The following INPP5D variants were observed in gnomAD, a reference collection of about 807,000 sequenced individuals.
INPP5D encodes inositol polyphosphate-5-phosphatase D.
Under a neutral mutation model 122.9 loss-of-function variants are expected in INPP5D, and 33 were observed. That is an observed-to-expected ratio of 0.27 (90% CI 0.20 to 0.36). INPP5D has a LOEUF of 0.36. INPP5D is among the 10% of genes least tolerant of loss of function. The probability of loss-of-function intolerance (pLI) is 1.00; values close to 1 mark genes in which losing one functional copy is unlikely to be tolerated. For synonymous variants in INPP5D, 584 were observed against 576.2 expected, an observed-to-expected ratio of 1.01 and a Z score of -0.19; for missense variants, 1,053 against 1,412.7, an observed-to-expected ratio of 0.75 and a Z score of 4.08.
intron 1 of INPP5D, among the ~76,000 whole-genome samples, 190 bp downstream of exon 1, chr2:233,060,802 G>A (rs1249332097): frequency 3.3e-5 from 5 of 152,200 alleles, no homozygotes; most frequent in African/African-American, 4.8e-5. Flanking sequence ...TGCAGCCTTG[G>A]AGCTGTCAGA....
At chr2:233,086,328 G>T (rs1330835606) in intron 2 of INPP5D, among the ~76,000 whole-genome samples, 2 of 151,956 alleles carry the variant, frequency 1.3e-5, no homozygotes, top group East Asian at 3.9e-4. Context: ...ACAGGCACCT[G>T]CCACCATGCC....
rs991885597 is a variant in INPP5D at position 233,128,804 on chromosome 2, G to T, written c.525-1704G>T. On this transcript the variant is annotated intron_variant, in intron 4 of 26. Transcript: ENST00000445964. This position sits in a 1 kb window ranked among gnomAD's most constrained non-coding sequence, Gnocchi z 4.5. ...TTCCTGTCCAATCTTAAGAGCAACG[G>T]CTTTTCATTCTTTCACAGATTCCAC... Among the ~76,000 whole-genome samples, 7 of 152,172 alleles carry T rather than the reference G, an allele frequency of 4.6e-5. No individual in the cohort carries two copies. The highest frequency in any genetic ancestry group is 1.7e-4 in the African/African-American group (7 of 41,456).
At position 233,164,877 on chromosome 2, in the gene INPP5D, G is replaced by C. The variant is rs10929180; in HGVS notation, c.1555+453G>C. 0.22 allele frequency among the ~76,000 whole-genome samples: 34,146 copies of C among 152,182 alleles called. 4,042 individuals carry two copies. The highest frequency in any genetic ancestry group is 0.42 in the East Asian group (2,173 of 5,180). On this transcript the variant is annotated intron_variant, in intron 13 of 26. Transcript: ENST00000445964. This position sits in a 1 kb window ranked among gnomAD's most constrained non-coding sequence, Gnocchi z 4.3. ...CTTTCTGGTGGGAAAGCAGCCATAG[G>C]CAACCCAGAAAGCGAATGGGAGTGA... is the stretch of plus-strand genomic sequence containing the variant.
At chr2:233,178,702 T>G (rs1694708066) in intron 18 of INPP5D, among the ~76,000 whole-genome samples, 1 of 152,158 alleles carries the variant, frequency 6.6e-6, no homozygotes, top group Admixed American at 6.5e-5. Context: ...CAGGCTGGTC[T>G]CGAACTCCTG....
Position 233,195,430 on chromosome 2 carries a change from T to A in INPP5D, c.2628T>A (p.Ser876Arg). Residue 876 changes from serine to arginine, a missense_variant, in exon 24 of 27, where the codon AGT (serine) becomes AGA (arginine). Ser to Arg is a moderately radical substitution (Grantham distance 110). This residue lies in a region of INPP5D where 258 missense variants were observed against 439.1 expected (regional missense o/e 0.59). Coordinates refer to ENST00000445964, the MANE Select transcript of INPP5D (RefSeq NM_001017915.3). ...DFVKTERDES[S>R]GPKTLKSLTS... ...TGAAGACGGAGCGTGATGAATCCAG[T>A]GGGCCAAAGACCCTGAAGAGCCTCA... 1 of 1,610,618 alleles carries A rather than the reference T, an allele frequency of 6.2e-7. No homozygotes were observed. The highest frequency in any genetic ancestry group is 8.5e-7 in the Non-Finnish European group (1 of 1,178,070).
chr2:233,096,093 A>T (rs1251265329), intron 2 of INPP5D, among the ~76,000 whole-genome samples: 1 of 152,226 alleles, frequency 6.6e-6, no homozygotes, highest in Non-Finnish European at 1.5e-5. Context: ...AGATGCTACA[A>T]TAAGCAAGGC....
chr2:233,114,739 C>A (rs1342083718), intron 2 of INPP5D, among the ~76,000 whole-genome samples: 3 of 152,198 alleles, frequency 2.0e-5, no homozygotes, highest in African/African-American at 4.8e-5. Flanking sequence ...CCCCGCAAAC[C>A]CACACCATTC....
intron 2 of INPP5D, among the ~76,000 whole-genome samples, chr2:233,099,579 A>G (rs73101550): frequency 0.017 from 2,595 of 152,344 alleles, 76 homozygotes; most frequent in African/African-American, 0.058. Flanking sequence ...GGAAACCTAT[A>G]GATATCAGAT....
chr2:233,099,969 A>G (rs1692260456), intron 2 of INPP5D, among the ~76,000 whole-genome samples: 1 of 152,216 alleles, frequency 6.6e-6, no homozygotes, highest in South Asian at 2.1e-4. Context: ...TTGTGCAGTC[A>G]AACTCCCATT....
chr2:233,196,359 G>A (rs1284528077), intron 24 of INPP5D, among the ~76,000 whole-genome samples: 1 of 152,242 alleles, frequency 6.6e-6, no homozygotes, highest in Non-Finnish European at 1.5e-5. Context: ...CATTTGTTGA[G>A]TCCCTGTGAT....
At chr2:233,173,067 T>C (rs1234785290) in intron 17 of INPP5D, among the ~76,000 whole-genome samples, 2 of 151,976 alleles carry the variant, frequency 1.3e-5, no homozygotes, top group Non-Finnish European at 2.9e-5. Context: ...AAATTAGCCA[T>C]GCATGGCGGT....
rs1694430512 is a variant in INPP5D, at chr2:233,169,406, T to C, written c.1652+5T>C. The C allele has an allele frequency of 2.6e-6, 4 of 1,564,452 alleles. No homozygotes were observed. The highest frequency in any genetic ancestry group is 1.4e-5 in the African/African-American group (1 of 73,728). Reference sequence around the variant, plus strand: ...AGGAAGTGAAAAGAAACTCAGGTAATGGAACTCCTTCCCCCCAAGAGTGTG... The same window carrying C: ...AGGAAGTGAAAAGAAACTCAGGTAACGGAACTCCTTCCCCCCAAGAGTGTG... On this transcript the variant is annotated splice_donor_5th_base_variant and intron_variant, in intron 14 of 26. Coordinates refer to ENST00000445964, the MANE Select transcript of INPP5D (RefSeq NM_001017915.3).
rs968426515 is a variant in INPP5D at position 233,164,037 on chromosome 2, A to T, written c.1437+134A>T. The T allele has an allele frequency of 1.4e-6, 2 of 1,427,606 alleles. No homozygotes were observed. The highest frequency in any genetic ancestry group is 2.9e-5 in the African/African-American group (2 of 69,362). 88.4% of individuals were successfully genotyped at this position (1,427,606 alleles called of 1,614,324 possible). On this transcript the variant is annotated intron_variant, in intron 12 of 26. Coordinates refer to ENST00000445964, the MANE Select transcript of INPP5D (RefSeq NM_001017915.3). The surrounding 1 kb of genome is among the most constrained non-coding windows in gnomAD (Gnocchi z 4.3). ...GATGTCTGGAGGCCCCCACTGAGAG[A>T]TGCGTCTGTATTCAGAAATAAATGG...
intron 2 of INPP5D, among the ~76,000 whole-genome samples, chr2:233,108,055 C>G (rs529033356): frequency 1.3e-5 from 2 of 152,154 alleles, no homozygotes; most frequent in Non-Finnish European, 2.9e-5. Context: ...ACCTCTCAGT[C>G]CACCATAGCC....
At chr2:233,127,459 T>G (rs2106261223) in intron 4 of INPP5D, among the ~76,000 whole-genome samples, 1 of 152,354 alleles carries the variant, frequency 6.6e-6, no homozygotes, top group South Asian at 2.1e-4. Context: ...CTTTTGATTA[T>G]TTTTCTTTAA....
Position 233,170,280 on chromosome 2 carries a change from C to T in INPP5D, c.1791+116C>T, listed in dbSNP as rs767893994. The T allele has an allele frequency of 7.3e-6, 11 of 1,515,850 alleles. No homozygotes were observed. Among genetic ancestry groups the T allele is most frequent in the Middle Eastern group, 4.5e-4 (2 of 4,476 alleles). The allele number at this position is 1,515,850 out of a possible 1,614,324, so 93.9% of individuals were successfully genotyped here. A position where few individuals can be genotyped will look rare whatever the true frequency, so the allele number is the denominator to read the frequency against. On this transcript the variant is annotated intron_variant, in intron 15 of 26. Coordinates refer to ENST00000445964, the MANE Select transcript of INPP5D (RefSeq NM_001017915.3). The surrounding 1 kb of genome is among the most constrained non-coding windows in gnomAD (Gnocchi z 4.5). ...TGAATCAAGTGGGCTGAGGCGGCTG[C>T]TCCCCTTGGGGGCTCAACGCTGTTT... is the stretch of plus-strand genomic sequence containing the variant.
intron 17 of INPP5D, among the ~76,000 whole-genome samples, chr2:233,174,783 C>A (rs1288647209): frequency 1.6e-5 from 2 of 128,182 alleles, no homozygotes; most frequent in African/African-American, 2.8e-5. Context: ...CAGAGTGAGA[C>A]CCTGTCTCAA....
rs1694965344 is a variant in INPP5D at position 233,188,089 on chromosome 2, C to G, written c.2359-1761C>G. Among the ~76,000 whole-genome samples, 1 of 152,076 alleles carries G rather than the reference C, an allele frequency of 6.6e-6. No homozygotes were observed. Among genetic ancestry groups the G allele is most frequent in the South Asian group, 2.1e-4 (1 of 4,818 alleles). Reference sequence around the variant, plus strand: ...TGTCTCCTGCCTCTTGCTGAGGCATCCTGAACGCTGATGGATCTTTCTGGA... The same window carrying G: ...TGTCTCCTGCCTCTTGCTGAGGCATGCTGAACGCTGATGGATCTTTCTGGA... On this transcript the variant is annotated intron_variant, in intron 21 of 26. Coordinates refer to ENST00000445964, the MANE Select transcript of INPP5D (RefSeq NM_001017915.3). The surrounding 1 kb of genome is among the most constrained non-coding windows in gnomAD (Gnocchi z 4.7).
intron 25 of INPP5D, among the ~76,000 whole-genome samples, chr2:233,200,236 G>C (rs7577111): frequency 0.064 from 9,806 of 152,300 alleles, 1,035 homozygotes; most frequent in African/African-American, 0.22. Flanking sequence ...ACGCTCTCTG[G>C]TGCTGCTGGA....
Sources: gnomAD v4.1 joint callset for allele counts (sites outside exome capture counted in the v4.1 genomes callset) on GRCh38, gnomAD v4.1.1 for gene constraint, gnomAD v4.1.1 regional missense constraint, Gnocchi (gnomAD v3.1) non-coding constraint, MANE v1.5 for transcripts, NCBI Gene and HGNC (gene_info 2026-07-23, HGNC 2026-07-21) for gene names.